MEGF11: variants seen among roughly 807,000 people sequenced by gnomAD.
MEGF11 encodes multiple EGF like domains 11, also known as multiple epidermal growth factor-like domains protein 11.
Under a neutral mutation model 146.6 loss-of-function variants are expected in MEGF11, and 126 were observed. The ratio of observed to expected loss-of-function variants is 0.86; its 90% CI spans 0.74 to 1.00. MEGF11 has a LOEUF of 1.00. Among genes scored for constraint, MEGF11 ranks in the 50% least tolerant of loss-of-function variants. The pLI, the probability that MEGF11 is intolerant of heterozygous loss-of-function variation, is 0.00. For missense variants in MEGF11, 1,509 were observed against 1,521.2 expected (o/e 0.99, Z 0.13); for synonymous variants, 532 against 583.4 (o/e 0.91, Z 1.27).
chr15:66,024,093 T>C (rs2083250677), intron 5 of MEGF11, among the ~76,000 whole-genome samples: 2 of 152,208 alleles, frequency 1.3e-5, no homozygotes. Context: ...GGTTCGTTCC[T>C]GGGGAACCCA....
intron 17 of MEGF11, 32 bp downstream of exon 17, chr15:65,916,796 A>G: frequency 6.2e-7 from 1 of 1,609,072 alleles, no homozygotes; most frequent in Non-Finnish European, 8.5e-7. Flanking sequence ...ATGGTATTCT[A>G]AGTGGCTGGG....
At chr15:66,143,790 T>C (rs370288054) in intron 1 of MEGF11, among the ~76,000 whole-genome samples, 1 of 152,278 alleles carries the variant, frequency 6.6e-6, no homozygotes, top group African/African-American at 2.4e-5. Context: ...AGACCATTCC[T>C]TACCTCCTAG....
At chr15:66,189,651 G>A (rs570126776) in intron 1 of MEGF11, among the ~76,000 whole-genome samples, 64 of 152,266 alleles carry the variant, frequency 4.2e-4, no homozygotes, top group African/African-American at 1.5e-3. Context: ...TCCCTGCTGA[G>A]TGATCTTGGG....
chr15:65,916,906 G>GGCAGCT lies in MEGF11; in HGVS notation c.2131_2136dup (p.Ser711_Cys712dup), dbSNP rs751766653. ...TCGGCGCTGCAGCTCGCCCCGTTGT[G>GGCAGCT]GCAGCTGCATGCGTGGAAGCAGGCG... is the stretch of plus-strand genomic sequence containing the variant. On this transcript the variant is annotated inframe_insertion, in exon 17 of 26. Transcript: ENST00000395614. 1.9e-5 allele frequency: 30 copies of GGCAGCT among 1,578,936 alleles called. No homozygotes were observed. Among genetic ancestry groups the GGCAGCT allele is most frequent in the Non-Finnish European group, 2.6e-5 (30 of 1,162,208 alleles).
intron 5 of MEGF11, among the ~76,000 whole-genome samples, chr15:66,080,348 T>C (rs1292500033): frequency 2.6e-5 from 4 of 151,602 alleles, no homozygotes; most frequent in African/African-American, 9.7e-5. Flanking sequence ...TGCCTCAGAT[T>C]CTCTTTCTAA....
Position 65,965,105 on chromosome 15 carries a change from G to A in MEGF11, c.915C>T (p.Cys305=). The A allele has an allele frequency of 1.9e-6, 3 of 1,592,528 alleles. No individual in the cohort carries two copies. The highest frequency in any genetic ancestry group is 1.7e-5 in the Admixed American group (1 of 58,434). Residue 305 remains cysteine (C), a synonymous_variant, in exon 9 of 26, where the codon TGC becomes TGT. Transcript: ENST00000395614. Reference sequence around the variant, plus strand: ...ACTGGAAGCCGAAGGACCCGAAGGGGCACTCCTCTTGGCACCTGTGGGAGA... The same window carrying A: ...ACTGGAAGCCGAAGGACCCGAAGGGACACTCCTCTTGGCACCTGTGGGAGA... ...GYMGDRCQEE[C]PFGSFGFQCS...
In MEGF11 at chr15:65,982,566, G is replaced by A. The variant is rs1319029744; in HGVS notation, c.395-78C>T. On this transcript the variant is annotated intron_variant, in intron 5 of 25. Transcript: ENST00000395614. The surrounding 1 kb of genome is among the most constrained non-coding windows in gnomAD (Gnocchi z 5.6). ...GCAGGGGCCAGGAACCGATGCCCATGCGGCCTTCCCATCTTTGCAGCGCTG... is the reference window on the plus strand; with the variant it reads ...GCAGGGGCCAGGAACCGATGCCCATACGGCCTTCCCATCTTTGCAGCGCTG... 7.9e-6 allele frequency: 11 copies of A among 1,394,528 alleles called. No individual in the cohort carries two copies. Among genetic ancestry groups the A allele is most frequent in the African/African-American group, 1.5e-5 (1 of 66,644 alleles). 86.4% of individuals were successfully genotyped at this position (1,394,528 alleles called of 1,614,324 possible).
chr15:65,942,974 C>CTTTTTTTTTT (rs58874869), intron 10 of MEGF11, among the ~76,000 whole-genome samples: 2 of 47,620 alleles, frequency 4.2e-5, no homozygotes, highest in East Asian at 1.7e-3. Context: ...AACAACTTGG[C>CTTTTTTTTTT]TTTTTTTTTT....
chr15:66,031,134 A>G (rs1395716680), intron 5 of MEGF11, among the ~76,000 whole-genome samples: 3 of 152,164 alleles, frequency 2.0e-5, no homozygotes, highest in Non-Finnish European at 4.4e-5. Context: ...CAAAGTTAGG[A>G]TGTCTTAGAA....
At chr15:65,933,907 G>A (rs577077520) in intron 10 of MEGF11, among the ~76,000 whole-genome samples, 1 of 152,314 alleles carries the variant, frequency 6.6e-6, no homozygotes, top group South Asian at 2.1e-4. Flanking sequence ...GTTATTGTTT[G>A]TGTAGCAGTT....
intron 5 of MEGF11, among the ~76,000 whole-genome samples, chr15:66,080,226 A>T (rs8035403): frequency 1.3e-5 from 2 of 152,152 alleles, no homozygotes; most frequent in African/African-American, 2.4e-5. Flanking sequence ...GGCTCCTCAC[A>T]ATTGAGTCTG....
rs548823910 is a variant in MEGF11 at position 65,991,732 on chromosome 15, T to C, written c.395-9244A>G. 1.7e-4 allele frequency among the ~76,000 whole-genome samples: 26 copies of C among 152,328 alleles called. No individual in the cohort carries two copies. The South Asian group carries it at 5.2e-3, about 30-fold the overall frequency. On this transcript the variant is annotated intron_variant, in intron 5 of 25. Coordinates refer to ENST00000395614, the MANE Select transcript of MEGF11 (RefSeq NM_001385028.1). ...GTCATCTTGTGTACACTCCACATTT[T>C]ACAGGTCAGGAAACTGGGCCAGAGA...
chr15:66,030,574 T>A (rs1597009157), intron 5 of MEGF11, among the ~76,000 whole-genome samples: 1 of 152,160 alleles, frequency 6.6e-6, no homozygotes, highest in Non-Finnish European at 1.5e-5. Flanking sequence ...CACGCCCAGC[T>A]AATTTTTGTA....
At chr15:65,950,706 TG>T (rs2080373394) in intron 10 of MEGF11, among the ~76,000 whole-genome samples, 2 of 152,112 alleles carry the variant, frequency 1.3e-5, no homozygotes, top group Non-Finnish European at 2.9e-5. Flanking sequence ...GCAGCAAAGC[TG>T]GTATTCGAAG....
chr15:66,129,696 T>G (rs1383460295), intron 1 of MEGF11, among the ~76,000 whole-genome samples: 1 of 152,166 alleles, frequency 6.6e-6, no homozygotes, highest in Admixed American at 6.5e-5. Context: ...CACCCCCATT[T>G]GTACCCTCAG....
chr15:66,117,659 G>A (rs28628725), intron 4 of MEGF11, among the ~76,000 whole-genome samples: 3,411 of 152,194 alleles, frequency 0.022, 129 homozygotes, highest in African/African-American at 0.077. Flanking sequence ...TGTGAGTCCC[G>A]TGTCCTACCC....
At chr15:66,178,880 C>CT (rs1406912028) in intron 1 of MEGF11, among the ~76,000 whole-genome samples, 1 of 152,162 alleles carries the variant, frequency 6.6e-6, no homozygotes, top group Non-Finnish European at 1.5e-5. Flanking sequence ...ACTCCAAACT[C>CT]TGAGAGTTGT....
At chr15:66,172,977 GC>G (rs1191890511) in intron 1 of MEGF11, among the ~76,000 whole-genome samples, 1 of 152,092 alleles carries the variant, frequency 6.6e-6, no homozygotes, top group African/African-American at 2.4e-5. Context: ...TTGTATATGG[GC>G]TACCCTGGGA....
chr15:66,211,392 C>T (rs1045098048), intron 1 of MEGF11, among the ~76,000 whole-genome samples: 7 of 152,044 alleles, frequency 4.6e-5, no homozygotes, highest in South Asian at 2.1e-4. Flanking sequence ...AGCATGGTGG[C>T]AGGCACCTGT....
Sources: allele counts gnomAD v4.1 joint callset (sites outside exome capture counted in the v4.1 genomes callset), GRCh38; gene constraint gnomAD v4.1.1; non-coding constraint Gnocchi (gnomAD v3.1); transcripts MANE v1.5; gene names NCBI Gene and HGNC (gene_info 2026-07-23, HGNC 2026-07-21).